CDH13: variants seen among roughly 807,000 people sequenced by gnomAD.
CDH13 encodes cadherin-13.
In CDH13, 24 loss-of-function variants were observed where a neutral mutation model predicts 63.8. The observed-to-expected ratio is 0.38, with a 90% CI of 0.27 to 0.53. CDH13 has a LOEUF of 0.53. Ranked by LOEUF, CDH13 falls within the 20% of genes least tolerant of loss-of-function variation. The pLI, the probability that CDH13 is intolerant of heterozygous loss-of-function variation, is 0.85. For missense variants in CDH13, 1,049 were observed against 903.1 expected (o/e 1.16, Z -2.07); for synonymous variants, 503 against 355.3 (o/e 1.42, Z -4.67).
intron 11 of CDH13, among the ~76,000 whole-genome samples, chr16:83,763,682 C>T (rs1225339677): frequency 6.6e-6 from 1 of 152,162 alleles, no homozygotes; most frequent in Non-Finnish European, 1.5e-5. Flanking sequence ...TTTAACACCC[C>T]TTATCTCAGC....
chr16:83,415,048 T>A (rs2092180264), intron 6 of CDH13, among the ~76,000 whole-genome samples: 1 of 151,410 alleles, frequency 6.6e-6, no homozygotes, highest in African/African-American at 2.4e-5. Context: ...AGAGAGAAGA[T>A]TCAAATAAAT....
chr16:83,421,729 C>T lies in CDH13; in HGVS notation c.782-64748C>T, dbSNP rs115277448. Among the ~76,000 whole-genome samples the T allele has an allele frequency of 4.8e-3, 726 of 152,272 alleles. 5 individuals are homozygous for T. The highest frequency in any genetic ancestry group is 0.017 in the African/African-American group (688 of 41,560). On this transcript the variant is annotated intron_variant, in intron 6 of 13. Transcript: ENST00000567109. ...CTTTTCCAGGCTTTGTTGTTAGCGT[C>T]CAGTAAGGATGCAATTGGAAATGGA... is the stretch of plus-strand genomic sequence containing the variant.
intron 7 of CDH13, among the ~76,000 whole-genome samples, chr16:83,583,773 C>T (rs770086625): frequency 4.6e-5 from 7 of 151,744 alleles, no homozygotes; most frequent in Non-Finnish European, 8.8e-5. Flanking sequence ...AAAAAAAAGC[C>T]GGGCATGGTG....
At chr16:83,315,130 C>A (rs887670088) in intron 5 of CDH13, among the ~76,000 whole-genome samples, 1 of 152,200 alleles carries the variant, frequency 6.6e-6, no homozygotes, top group African/African-American at 2.4e-5. Flanking sequence ...ACAATAGTAG[C>A]CTGTCTGTGT....
At chr16:83,224,456 A>C (rs1407959863) in intron 5 of CDH13, among the ~76,000 whole-genome samples, 2 of 152,194 alleles carry the variant, frequency 1.3e-5, no homozygotes, top group Non-Finnish European at 1.5e-5. Context: ...TAACAGGCTT[A>C]CACCTAGGAG....
At chr16:82,679,953 A>T (rs1448927764) in intron 1 of CDH13, among the ~76,000 whole-genome samples, 1 of 152,182 alleles carries the variant, frequency 6.6e-6, no homozygotes, top group African/African-American at 2.4e-5. Flanking sequence ...GTATATCGTG[A>T]TCTTCTTGAC....
chr16:83,605,091 CTG>C (rs1425300810), intron 8 of CDH13, among the ~76,000 whole-genome samples: 3 of 152,160 alleles, frequency 2.0e-5, no homozygotes, highest in Non-Finnish European at 4.4e-5. Context: ...AAAAGAGACA[CTG>C]AGTAGCATAA....
intron 1 of CDH13, among the ~76,000 whole-genome samples, chr16:82,744,089 G>C (rs1247511443): frequency 6.6e-6 from 1 of 152,112 alleles, no homozygotes; most frequent in African/African-American, 2.4e-5. Context: ...TCGCCTCCAA[G>C]AAGTCTGGAT....
At chr16:82,844,614 A>C (rs1190612206) in intron 1 of CDH13, 3 of 147,086 alleles carry the variant, frequency 2.0e-5, no homozygotes, top group East Asian at 2.0e-4. Context: ...AAAAGAAAAA[A>C]AAAAGAACTA....
chr16:83,724,578 GT>G (rs77420981), intron 10 of CDH13, among the ~76,000 whole-genome samples: 22,089 of 152,198 alleles, frequency 0.15, 1,912 homozygotes, highest in Middle Eastern at 0.27. Context: ...GATGGATGAA[GT>G]TGTACAAGCT....
intron 7 of CDH13, among the ~76,000 whole-genome samples, chr16:83,507,485 A>T (rs1344786294): frequency 6.6e-6 from 1 of 152,228 alleles, no homozygotes; most frequent in Non-Finnish European, 1.5e-5. Flanking sequence ...TTAATGGTAC[A>T]CAGTCTTTGT....
chr16:83,317,179 G>A (rs775276396), intron 5 of CDH13, among the ~76,000 whole-genome samples: 1 of 152,186 alleles, frequency 6.6e-6, no homozygotes, highest in African/African-American at 2.4e-5. Context: ...TGTCAGCAGT[G>A]CTAAGACTGA....
intron 3 of CDH13, among the ~76,000 whole-genome samples, chr16:83,073,247 G>T (rs537945672): frequency 6.6e-6 from 1 of 152,124 alleles, no homozygotes; most frequent in South Asian, 2.1e-4. Flanking sequence ...CACTGTGCTA[G>T]TAAGAAACAG....
chr16:83,223,420 C>T (rs2039755815), intron 5 of CDH13, among the ~76,000 whole-genome samples: 1 of 152,188 alleles, frequency 6.6e-6, no homozygotes, highest in Admixed American at 6.5e-5. Context: ...TCTAAAGGGC[C>T]CCACCTCCCA....
chr16:82,934,550 G>T (rs1285660326), intron 2 of CDH13, among the ~76,000 whole-genome samples: 1 of 152,158 alleles, frequency 6.6e-6, no homozygotes, highest in Non-Finnish European at 1.5e-5. Flanking sequence ...GCAAATTTCT[G>T]CAGCAGGCTT....
intron 10 of CDH13, among the ~76,000 whole-genome samples, chr16:83,682,208 G>A (rs1915463901): frequency 6.6e-6 from 1 of 152,202 alleles, no homozygotes. Context: ...TCCTCTGAGA[G>A]AGATGATTCC....
At chr16:82,627,406 G>C (rs1476853219) in intron 1 of CDH13, among the ~76,000 whole-genome samples, 2 of 151,268 alleles carry the variant, frequency 1.3e-5, no homozygotes, top group African/African-American at 4.9e-5. Context: ...GAGGAGGAGA[G>C]AGCTCCCAGT....
In CDH13 at chr16:83,357,323, G is replaced by A. The variant is rs986743417; in HGVS notation, c.781+12317G>A. 2.0e-5 allele frequency among the ~76,000 whole-genome samples: 3 copies of A among 152,218 alleles called. No homozygotes were observed. The East Asian group carries it at 5.8e-4, about 29-fold the overall frequency. On this transcript the variant is annotated intron_variant, in intron 6 of 13. Transcript: ENST00000567109. ...GAGGGGATGACTTGAATAGTAACAT[G>A]TGTGTACATATACGTGTGTATGTGT...
intron 8 of CDH13, among the ~76,000 whole-genome samples, chr16:83,666,831 A>T (rs1287159895): frequency 6.6e-6 from 1 of 151,652 alleles, no homozygotes; most frequent in African/African-American, 2.4e-5. Context: ...ATACACACAC[A>T]CACATACACA....
Sources: gnomAD v4.1 joint callset for allele counts (sites outside exome capture counted in the v4.1 genomes callset) on GRCh38, gnomAD v4.1.1 for gene constraint, MANE v1.5 for transcripts, NCBI Gene and HGNC (gene_info 2026-07-23, HGNC 2026-07-21) for gene names.